MYOM1: variants seen among roughly 807,000 people sequenced by gnomAD.
MYOM1 encodes myomesin-1.
Under a neutral mutation model 205.3 loss-of-function variants are expected in MYOM1, and 164 were observed. The observed-to-expected ratio is 0.80, with a 90% CI of 0.70 to 0.91. The LOEUF (loss-of-function observed/expected upper bound fraction) is 0.91. Among genes scored for constraint, MYOM1 ranks in the 40% least tolerant of loss-of-function variants. The pLI is 0.00. For synonymous variants in MYOM1, 772 were observed against 789.4 expected (o/e 0.98, Z 0.37); for missense variants, 2,011 against 2,127.3 (o/e 0.95, Z 1.08).
At chr18:3,092,530 C>G in intron 26 of MYOM1, among the ~76,000 whole-genome samples, 1 of 151,702 alleles carries the variant, frequency 6.6e-6, no homozygotes, top group East Asian at 1.9e-4. Context: ...CCCTATTAGA[C>G]TATACTTATT....
At chr18:3,103,884 A>C (rs2079416113) in intron 22 of MYOM1, among the ~76,000 whole-genome samples, 2 of 152,236 alleles carry the variant, frequency 1.3e-5, no homozygotes, top group African/African-American at 4.8e-5. Context: ...GTATGCTTCA[A>C]CTATAAACTT....
chr18:3,084,091 A>C, intron 31 of MYOM1, 64 bp from the exon 32 acceptor site: 123 of 1,507,976 alleles, frequency 8.2e-5, no homozygotes, highest in Non-Finnish European at 9.7e-5. Flanking sequence ...GTTAAATCTC[A>C]AATTCTTAGC....
intron 5 of MYOM1, among the ~76,000 whole-genome samples, chr18:3,180,985 G>A (rs1205114564): frequency 6.6e-6 from 1 of 150,578 alleles, no homozygotes; most frequent in African/African-American, 2.5e-5. Flanking sequence ...GAAGAGCAGT[G>A]GCACGATCTG....
chr18:3,239,756 C>CAA, the MYOM1 span, among the ~76,000 whole-genome samples: 216 of 42,176 alleles, frequency 5.1e-3, 11 homozygotes, highest in Middle Eastern at 0.019. Flanking sequence ...CACCTTGTCT[C>CAA]AAAAAAAAAA....
chr18:3,129,286 C>A lies in MYOM1; in HGVS notation c.2740G>T (p.Ala914Ser), dbSNP rs1231071289. The change falls in exon 18 of 38, where the codon GCG becomes TCG. Residue 914 changes from alanine (A) to serine (S), a missense_variant. Transcript: ENST00000356443. ...QEELTPPPQK[A>S]APQGKSKSDP... is the part of the protein sequence containing the mutation. The stretch of plus-strand genomic sequence containing the variant: ...GACTTACTTTTCCCCTGAGGAGCCG[C>A]TTTCTGTGGTGGCGGGGTAAGCTCT... The A allele has an allele frequency of 6.2e-7, 1 of 1,614,024 alleles. No homozygotes were observed. The highest frequency in any genetic ancestry group is 8.5e-7 in the Non-Finnish European group (1 of 1,179,890).
chr18:3,194,067 C>G (rs955460059), intron 2 of MYOM1, 109 bp from the exon 3 acceptor site: 39 of 1,092,018 alleles, frequency 3.6e-5, no homozygotes, highest in Admixed American at 8.1e-5. Context: ...AATCCTAGAT[C>G]TCTAATGTTA....
intron 22 of MYOM1, among the ~76,000 whole-genome samples, chr18:3,107,981 T>C (rs919209004): frequency 6.6e-6 from 1 of 152,242 alleles, no homozygotes. Flanking sequence ...CAGTTGCTCC[T>C]ATAGATAACA....
intron 2 of MYOM1, among the ~76,000 whole-genome samples, chr18:3,210,463 A>C (rs1326251545): frequency 6.6e-6 from 1 of 152,182 alleles, no homozygotes; most frequent in East Asian, 1.9e-4. Flanking sequence ...CTCAAGCCTC[A>C]GTGTTTTCAT....
At position 3,094,259 on chromosome 18, in the gene MYOM1, G is replaced by A; in HGVS notation, c.3775C>T (p.Gln1259Ter). Residue 1259 changes from glutamine to a stop codon, truncating the protein, a stop_gained, in exon 26 of 38, where the codon CAG (glutamine) becomes TAG (stop). Coordinates refer to ENST00000356443, the MANE Select transcript of MYOM1 (RefSeq NM_003803.4). LOFTEE classifies it high-confidence loss of function. ...ELAVEILEKG[Q>*]VRFWMQAEKL... Reference sequence around the variant, plus strand: ...TCAGCCTGCATCCAAAACCGGACCTGGCCTTTCTCCAAAATTTCAACTGCC... The same window carrying A: ...TCAGCCTGCATCCAAAACCGGACCTAGCCTTTCTCCAAAATTTCAACTGCC... 1 of 1,613,758 alleles carries A rather than the reference G, an allele frequency of 6.2e-7. No individual in the cohort carries two copies. The highest frequency in any genetic ancestry group is 8.5e-7 in the Non-Finnish European group (1 of 1,179,808).
chr18:3,088,599 A>AACATTTC (rs1019122750), intron 29 of MYOM1, among the ~76,000 whole-genome samples: 4 of 152,248 alleles, frequency 2.6e-5, no homozygotes, highest in African/African-American at 9.6e-5. Context: ...CCTTACCCAA[A>AACATTTC]ACATTTCTGA....
chr18:3,156,810 C>T (rs1436692566), intron 10 of MYOM1, among the ~76,000 whole-genome samples: 3 of 152,014 alleles, frequency 2.0e-5, no homozygotes, highest in Non-Finnish European at 4.4e-5. Flanking sequence ...GGGGATTCAC[C>T]GTATTAGCCA....
intron 2 of MYOM1, among the ~76,000 whole-genome samples, chr18:3,197,389 T>C (rs1322776154): frequency 1.3e-5 from 2 of 152,040 alleles, no homozygotes; most frequent in East Asian, 3.9e-4. Context: ...CCGCCTGCCT[T>C]GGCCTCCCAA....
intron 19 of MYOM1, among the ~76,000 whole-genome samples, chr18:3,125,670 T>G (rs2079769614): frequency 6.6e-6 from 1 of 152,192 alleles, no homozygotes; most frequent in Admixed American, 6.5e-5. Flanking sequence ...TTGGGGCAGC[T>G]GTCATCCCTG....
chr18:3,144,256 A>T (rs2080093096), intron 13 of MYOM1, among the ~76,000 whole-genome samples: 1 of 152,330 alleles, frequency 6.6e-6, no homozygotes, highest in African/African-American at 2.4e-5. Context: ...CTACATGTGA[A>T]GTAATATAAT....
chr18:3,238,493 C>T, the MYOM1 span, among the ~76,000 whole-genome samples: 174 of 151,970 alleles, frequency 1.1e-3, no homozygotes, highest in African/African-American at 4.1e-3. Flanking sequence ...GTGGGGGCAT[C>T]GAGAACCAGT....
chr18:3,149,065 C>T (rs1260475632), intron 13 of MYOM1, 80 bp downstream of exon 13: 25 of 1,116,858 alleles, frequency 2.2e-5, no homozygotes, highest in Non-Finnish European at 3.0e-5. Context: ...TTAAGCAATA[C>T]ACACTGCACC....
chr18:3,222,724 C>A (rs937552201), upstream of MYOM1, among the ~76,000 whole-genome samples: 10 of 150,776 alleles, frequency 6.6e-5, no homozygotes, highest in Non-Finnish European at 7.4e-5. Context: ...CACATACACA[C>A]ATACACACAC....
At chr18:3,071,688 G>C (rs1171428801) in intron 37 of MYOM1, 146 bp downstream of exon 37, 2 of 768,532 alleles carry the variant, frequency 2.6e-6, no homozygotes, top group African/African-American at 1.7e-5. Context: ...CCTTGTGTTT[G>C]GTTACTCTGG....
chr18:3,185,112 T>C (rs1025494024), intron 5 of MYOM1, among the ~76,000 whole-genome samples: 1 of 152,258 alleles, frequency 6.6e-6, no homozygotes, highest in African/African-American at 2.4e-5. Context: ...TTTTTGTTTT[T>C]GTTTTTAATT....
Sources: gnomAD v4.1 joint callset for allele counts (sites outside exome capture counted in the v4.1 genomes callset) on GRCh38, gnomAD v4.1.1 for gene constraint, MANE v1.5 for transcripts, NCBI Gene and HGNC (gene_info 2026-07-23, HGNC 2026-07-21) for gene names.